Variants in SPMAP2L observed in about 807,000 individuals in gnomAD.
The protein encoded by SPMAP2L is sperm microtubule associated protein 2 like, also known as sperm microtubule associated protein 2-like.
the SPMAP2L span, chr4:56,552,610 G>C: frequency 1.3e-6 from 2 of 1,506,342 alleles, no homozygotes; most frequent in African/African-American, 2.8e-5. Context: ...GGGAACTCCA[G>C]ACAGGTAAGG....
At chr4:56,580,483 T>G in the SPMAP2L span, among the ~76,000 whole-genome samples, 1 of 151,996 alleles carries the variant, frequency 6.6e-6, no homozygotes, top group African/African-American at 2.4e-5. Flanking sequence ...CTCAACTTGG[T>G]AAAGGGAATC....
At chr4:56,602,349 T>TA in the SPMAP2L span, among the ~76,000 whole-genome samples, 1 of 151,980 alleles carries the variant, frequency 6.6e-6, no homozygotes, top group South Asian at 2.1e-4. Context: ...GTTTATCCTT[T>TA]AAAAAAAATA....
chr4:56,549,746 T>TCA, the SPMAP2L span, among the ~76,000 whole-genome samples: 1 of 152,184 alleles, frequency 6.6e-6, no homozygotes, highest in Non-Finnish European at 1.5e-5. Flanking sequence ...AAACTTTGTT[T>TCA]CACACACAAA....
the SPMAP2L span, among the ~76,000 whole-genome samples, chr4:56,590,515 A>G: frequency 6.6e-6 from 1 of 152,220 alleles, no homozygotes. Flanking sequence ...TTCAAGTTGT[A>G]GTATCGAGGA....
the SPMAP2L span, among the ~76,000 whole-genome samples, chr4:56,565,287 T>C: frequency 6.6e-6 from 1 of 152,268 alleles, no homozygotes; most frequent in African/African-American, 2.4e-5. Flanking sequence ...ACCATAATTG[T>C]GGATTTGTCT....
chr4:56,610,002 A>C, the SPMAP2L span, among the ~76,000 whole-genome samples: 1 of 152,234 alleles, frequency 6.6e-6, no homozygotes, highest in African/African-American at 2.4e-5. Flanking sequence ...GGTAGAGTGA[A>C]TATTGTGAAA....
At chr4:56,561,228 A>G in the SPMAP2L span, among the ~76,000 whole-genome samples, 1 of 152,250 alleles carries the variant, frequency 6.6e-6, no homozygotes, top group African/African-American at 2.4e-5. Context: ...CCAGTTGTAC[A>G]TGATTAATCT....
At chr4:56,593,079 G>A in the SPMAP2L span, 9 of 1,580,850 alleles carry the variant, frequency 5.7e-6, no homozygotes, top group East Asian at 2.2e-5. Context: ...TATTGTAACT[G>A]CTCAGTGCCA....
the SPMAP2L span, among the ~76,000 whole-genome samples, chr4:56,626,002 G>T: frequency 6.6e-6 from 1 of 152,184 alleles, no homozygotes; most frequent in Non-Finnish European, 1.5e-5. Context: ...CTGCTAAGTG[G>T]TAAGACTTCC....
chr4:56,541,288 T>C, the SPMAP2L span, among the ~76,000 whole-genome samples: 1 of 152,176 alleles, frequency 6.6e-6, no homozygotes, highest in African/African-American at 2.4e-5. Flanking sequence ...ATGTTTATAA[T>C]TGTATTACAA....
chr4:56,540,498 G>A, the SPMAP2L span, among the ~76,000 whole-genome samples: 14 of 152,200 alleles, frequency 9.2e-5, no homozygotes, highest in East Asian at 1.4e-3. Context: ...AGCCGAGATC[G>A]CACCACTGCA....
At chr4:56,572,020 G>C in the SPMAP2L span, among the ~76,000 whole-genome samples, 1 of 152,110 alleles carries the variant, frequency 6.6e-6, no homozygotes, top group Admixed American at 6.5e-5. Flanking sequence ...TGAAGGACCT[G>C]TCTGAGGCTG....
chr4:56,602,694 C>CA, the SPMAP2L span, among the ~76,000 whole-genome samples: 2 of 151,404 alleles, frequency 1.3e-5, no homozygotes, highest in African/African-American at 4.8e-5. Context: ...AACCCTGTCT[C>CA]AAAAAAATAA....
the SPMAP2L span, chr4:56,600,979 G>A: frequency 6.5e-7 from 1 of 1,535,452 alleles, no homozygotes; most frequent in Non-Finnish European, 8.7e-7. Context: ...CCGAACAATA[G>A]CTCTAGCGAA....
the SPMAP2L span, among the ~76,000 whole-genome samples, chr4:56,624,593 C>T: frequency 6.6e-6 from 1 of 152,174 alleles, no homozygotes. Flanking sequence ...GGACTTGGTG[C>T]TCTGTGTCCC....
chr4:56,595,471 G>A, the SPMAP2L span: 14 of 1,599,084 alleles, frequency 8.8e-6, no homozygotes, highest in East Asian at 1.1e-4. Context: ...GGGCCGCATC[G>A]ACCCCAGGGT....
chr4:56,556,298 A>G, the SPMAP2L span, among the ~76,000 whole-genome samples: 1 of 152,264 alleles, frequency 6.6e-6, no homozygotes, highest in African/African-American at 2.4e-5. Flanking sequence ...GAGTCAAAAC[A>G]TAGATGGACA....
At chr4:56,553,486 C>A in the SPMAP2L span, among the ~76,000 whole-genome samples, 1 of 138,986 alleles carries the variant, frequency 7.2e-6, no homozygotes, top group Non-Finnish European at 1.6e-5. Context: ...AGCCACCATG[C>A]CTGTCCTATT....
At chr4:56,541,586 C>T in the SPMAP2L span, among the ~76,000 whole-genome samples, 18 of 152,204 alleles carry the variant, frequency 1.2e-4, no homozygotes, top group African/African-American at 3.4e-4. Flanking sequence ...GTACCCATTA[C>T]GTAGTTTCAA....
Sources: allele counts gnomAD v4.1 joint callset (sites outside exome capture counted in the v4.1 genomes callset), GRCh38; gene constraint gnomAD v4.1.1; transcripts MANE v1.5; gene names NCBI Gene and HGNC (gene_info 2026-07-23, HGNC 2026-07-21).